SPOCK3: variants seen among roughly 807,000 people sequenced by gnomAD.
The protein encoded by SPOCK3 is testican-3.
A neutral mutation model predicts 56.6 loss-of-function variants in SPOCK3; 30 were observed. That is an observed-to-expected ratio of 0.53 (90% confidence interval 0.40 to 0.72). The LOEUF is 0.72. SPOCK3 is among the 30% of genes least tolerant of loss of function. The probability of loss-of-function intolerance (pLI) is 0.00; values close to 1 mark genes in which losing one functional copy is unlikely to be tolerated. For synonymous variants in SPOCK3, 196 were observed against 183.3 expected (o/e 1.07, Z -0.56); for missense variants, 527 against 530.0 (o/e 0.99, Z 0.06).
At chr4:166,820,291 CAT>C (rs1462478583) in intron 6 of SPOCK3, among the ~76,000 whole-genome samples, 1 of 151,862 alleles carries the variant, frequency 6.6e-6, no homozygotes, top group African/African-American at 2.4e-5. Context: ...TATATCAAAA[CAT>C]TGTACTTCAT....
At chr4:166,827,726 A>G (rs1190667619) in intron 6 of SPOCK3, among the ~76,000 whole-genome samples, 3 of 151,968 alleles carry the variant, frequency 2.0e-5, no homozygotes, top group Non-Finnish European at 4.4e-5. Flanking sequence ...AAATCTGCAG[A>G]GTTTGCTGAA....
intron 6 of SPOCK3, among the ~76,000 whole-genome samples, chr4:166,844,919 A>G (rs910719057): frequency 6.6e-6 from 1 of 152,198 alleles, no homozygotes; most frequent in South Asian, 2.1e-4. Context: ...GCTTAGTGAT[A>G]TCTGGTTCTA....
chr4:166,971,277 C>CA (rs1169118327), intron 4 of SPOCK3, among the ~76,000 whole-genome samples: 1 of 152,090 alleles, frequency 6.6e-6, no homozygotes, highest in Non-Finnish European at 1.5e-5. Flanking sequence ...TTTTTCCCCC[C>CA]ATGTTCCAAT....
chr4:166,877,144 T>A (rs1004436195), intron 6 of SPOCK3, among the ~76,000 whole-genome samples: 1 of 152,134 alleles, frequency 6.6e-6, no homozygotes, highest in Non-Finnish European at 1.5e-5. Context: ...CAAGAACAGT[T>A]GATCTCATTA....
chr4:167,093,524 T>C (rs936969058), intron 2 of SPOCK3, among the ~76,000 whole-genome samples: 3 of 152,272 alleles, frequency 2.0e-5, no homozygotes, highest in Non-Finnish European at 2.9e-5. Flanking sequence ...CTCCCACTTA[T>C]GAGTGAGAAC....
intron 7 of SPOCK3, among the ~76,000 whole-genome samples, chr4:166,772,473 A>C (rs1002024168): frequency 9.2e-5 from 14 of 152,196 alleles, no homozygotes; most frequent in Non-Finnish European, 1.9e-4. Context: ...CATAATTATA[A>C]TAATGGTGAA....
At chr4:166,738,800 C>T (rs1244150758) in intron 9 of SPOCK3, among the ~76,000 whole-genome samples, 2 of 151,750 alleles carry the variant, frequency 1.3e-5, no homozygotes, top group Non-Finnish European at 2.9e-5. Flanking sequence ...GACATGAACT[C>T]ATCATTTTTT....
At chr4:166,962,931 T>C (rs1416697355) in intron 4 of SPOCK3, among the ~76,000 whole-genome samples, 1 of 152,036 alleles carries the variant, frequency 6.6e-6, no homozygotes, top group Non-Finnish European at 1.5e-5. Context: ...GACCACAACA[T>C]GGTCAGTTCA....
chr4:166,821,374 C>T (rs1744923766), intron 6 of SPOCK3, among the ~76,000 whole-genome samples: 2 of 151,942 alleles, frequency 1.3e-5, no homozygotes, highest in African/African-American at 2.4e-5. Flanking sequence ...TTTTGAAAAA[C>T]GGTTTGGTTT....
rs961171623 is a variant in SPOCK3 at position 166,733,999 on chromosome 4, T to C, written c.*922A>G. 1.6e-4 allele frequency: 25 copies of C among 152,148 alleles called. 1 individual carries two copies. The highest frequency in any genetic ancestry group is 5.9e-5 in the Non-Finnish European group (4 of 67,768). 9.4% of individuals were successfully genotyped at this position (152,148 alleles called of 1,614,324 possible). A position where few individuals can be genotyped will look rare whatever the true frequency, so the allele number is the denominator to read the frequency against. ...ACACTACTAACAAAAATAACATAAT[T>C]CTAAGATTAAATGCAAACTTTTACC... is the stretch of plus-strand genomic sequence containing the variant. On this transcript the variant is annotated 3_prime_UTR_variant, in exon 11 of 11. Coordinates refer to ENST00000357545, the MANE Select transcript of SPOCK3 (RefSeq NM_001040159.2).
intron 3 of SPOCK3, among the ~76,000 whole-genome samples, chr4:167,043,597 T>G (rs1212367315): frequency 1.3e-5 from 2 of 152,026 alleles, no homozygotes; most frequent in Non-Finnish European, 2.9e-5. Context: ...TTTATCAGGT[T>G]GCAGAAGTCA....
At chr4:166,923,788 C>T (rs1241732052) in intron 4 of SPOCK3, among the ~76,000 whole-genome samples, 1 of 152,142 alleles carries the variant, frequency 6.6e-6, no homozygotes, top group Non-Finnish European at 1.5e-5. Flanking sequence ...AATTTCAGCA[C>T]AGTTTGTACT....
intron 7 of SPOCK3, among the ~76,000 whole-genome samples, chr4:166,763,409 G>C (rs527932780): frequency 2.0e-5 from 3 of 152,172 alleles, no homozygotes; most frequent in East Asian, 3.9e-4. Context: ...AATAATGACA[G>C]AGAATGTAAT....
chr4:167,056,955 G>A (rs1185866784), intron 3 of SPOCK3, among the ~76,000 whole-genome samples: 2 of 152,020 alleles, frequency 1.3e-5, no homozygotes, highest in South Asian at 2.1e-4. Context: ...GATACTCCTC[G>A]AGAAGAGCAA....
At chr4:166,941,824 G>A (rs1741100856) in intron 4 of SPOCK3, among the ~76,000 whole-genome samples, 1 of 152,106 alleles carries the variant, frequency 6.6e-6, no homozygotes, top group Admixed American at 6.6e-5. Context: ...AGCCTTTAGG[G>A]AACCGTGTGA....
At chr4:166,794,894 C>T (rs1164181347) in intron 6 of SPOCK3, among the ~76,000 whole-genome samples, 8 of 152,052 alleles carry the variant, frequency 5.3e-5, no homozygotes, top group Admixed American at 3.3e-4. Flanking sequence ...CCACCCACCT[C>T]GGCCTCCCAA....
At chr4:166,775,731 G>T (rs1449715806) in intron 7 of SPOCK3, among the ~76,000 whole-genome samples, 3 of 152,156 alleles carry the variant, frequency 2.0e-5, no homozygotes, top group Non-Finnish European at 4.4e-5. Flanking sequence ...AGTGAAAAAG[G>T]TCTATTCACT....
intron 2 of SPOCK3, among the ~76,000 whole-genome samples, chr4:167,151,249 A>T (rs1325317603): frequency 6.6e-6 from 1 of 152,036 alleles, no homozygotes; most frequent in East Asian, 1.9e-4. Flanking sequence ...CATTACTCTA[A>T]ATTGAAGAAA....
chr4:166,823,164 C>A (rs1745100441), intron 6 of SPOCK3, among the ~76,000 whole-genome samples: 1 of 151,948 alleles, frequency 6.6e-6, no homozygotes, highest in African/African-American at 2.4e-5. Flanking sequence ...ATAAACATTT[C>A]ATTTTTTCAA....
Sources: allele counts gnomAD v4.1 joint callset (sites outside exome capture counted in the v4.1 genomes callset), GRCh38; gene constraint gnomAD v4.1.1; transcripts MANE v1.5; gene names NCBI Gene and HGNC (gene_info 2026-07-23, HGNC 2026-07-21).